Variants in LMF1 observed in about 807,000 individuals in gnomAD.
The protein encoded by LMF1 is transmembrane protein 112.
A neutral mutation model predicts 60.6 loss-of-function variants in LMF1; 68 were observed. The observed-to-expected ratio is 1.12, with a 90% confidence interval of 0.92 to 1.37. LMF1 has a LOEUF of 1.37. LMF1 is among the 40% of genes most tolerant of loss of function. LMF1 has a pLI of 0.00. For missense variants in LMF1, 948 were observed against 767.2 expected, an observed-to-expected ratio of 1.24 and a Z score of -2.78; for synonymous variants, 418 against 324.7, an observed-to-expected ratio of 1.29 and a Z score of -3.09.
Position 953,325 on chromosome 16 carries a change from C to A in LMF1, c.503+1032G>T, listed in dbSNP as rs1360999006. Among the ~76,000 whole-genome samples the A allele has an allele frequency of 8.1e-5, 4 of 49,346 alleles. 1 individual carries two copies. The highest frequency in any genetic ancestry group is 6.9e-4 in the Admixed American group (4 of 5,766). 32.4% of individuals were successfully genotyped at this position (49,346 alleles called of 152,430 possible). ...GCCTCCTACACGTCCACACAGACAC[C>A]CACCCCAAACCAGCTTCCTACACGT... is the stretch of plus-strand genomic sequence containing the variant. On this transcript the variant is annotated intron_variant, in intron 2 of 10. Coordinates refer to ENST00000262301, the MANE Select transcript of LMF1 (RefSeq NM_022773.4).
At chr16:856,274 C>T (rs901952582) in intron 10 of LMF1, among the ~76,000 whole-genome samples, 2 of 152,126 alleles carry the variant, frequency 1.3e-5, no homozygotes, top group Non-Finnish European at 2.9e-5. Context: ...CAGCGGCCAG[C>T]ATGGGGACTG....
intron 1 of LMF1, among the ~76,000 whole-genome samples, chr16:964,958 C>T (rs28593410): frequency 0.19 from 29,064 of 152,236 alleles, 2,989 homozygotes; most frequent in African/African-American, 0.25. Flanking sequence ...CGCCACAGTG[C>T]GGCACGCATG....
At chr16:896,803 C>T (rs965569355) in intron 4 of LMF1, among the ~76,000 whole-genome samples, 2 of 152,320 alleles carry the variant, frequency 1.3e-5, no homozygotes, top group African/African-American at 4.8e-5. Flanking sequence ...AAATGTCATT[C>T]AAATTCTAAG....
intron 3 of LMF1, among the ~76,000 whole-genome samples, chr16:918,358 T>G (rs900668325): frequency 3.3e-5 from 5 of 152,238 alleles, no homozygotes; most frequent in Non-Finnish European, 5.9e-5. Flanking sequence ...TCACCAGCTC[T>G]TGGGAAACAA....
chr16:938,441 G>A (rs1043958827), intron 2 of LMF1, among the ~76,000 whole-genome samples: 24 of 152,178 alleles, frequency 1.6e-4, no homozygotes, highest in Non-Finnish European at 2.6e-4. Flanking sequence ...AGCTCGTGGG[G>A]ATGGCAGGGG....
chr16:921,266 G>A (rs1215027410), intron 3 of LMF1: 1 of 152,270 alleles, frequency 6.6e-6, no homozygotes, highest in Non-Finnish European at 1.5e-5. Context: ...TGCTTCCACT[G>A]GGGCATTCTG....
At chr16:963,923 A>C (rs1284630350) in intron 1 of LMF1, 1 of 402,450 alleles carries the variant, frequency 2.5e-6, no homozygotes, top group Non-Finnish European at 5.1e-6. Flanking sequence ...ATCTTGAAAC[A>C]TCACAGGCTC....
intron 1 of LMF1, among the ~76,000 whole-genome samples, chr16:959,489 G>A (rs1201084175): frequency 1.3e-5 from 2 of 152,156 alleles, no homozygotes; most frequent in Non-Finnish European, 2.9e-5. Flanking sequence ...CCACAGCACT[G>A]AGCATTACAC....
intron 3 of LMF1, among the ~76,000 whole-genome samples, chr16:917,036 C>T (rs542112205): frequency 1.2e-4 from 19 of 152,256 alleles, no homozygotes; most frequent in East Asian, 3.9e-4. Flanking sequence ...GGGATGGAGA[C>T]GCCACCCAGG....
chr16:879,972 A>G (rs540439947), intron 5 of LMF1, among the ~76,000 whole-genome samples: 1 of 152,312 alleles, frequency 6.6e-6, no homozygotes, highest in Non-Finnish European at 1.5e-5. Flanking sequence ...AATCTTTACC[A>G]TCTAAAAGCA....
chr16:870,269 C>G (rs377079737), intron 8 of LMF1, among the ~76,000 whole-genome samples: 1 of 152,160 alleles, frequency 6.6e-6, no homozygotes, highest in Non-Finnish European at 1.5e-5. Flanking sequence ...GGGTCTCATT[C>G]GAGAACACCT....
chr16:855,653 C>T (rs747589519), intron 10 of LMF1: 4 of 453,922 alleles, frequency 8.8e-6, no homozygotes, highest in Non-Finnish European at 1.8e-5. Flanking sequence ...GCGGCTGCTG[C>T]CTGGCTGGGA....
At position 878,518 on chromosome 16, in the gene LMF1, G is replaced by A. The variant is rs988674939; in HGVS notation, c.897+1052C>T. Among the ~76,000 whole-genome samples the A allele has an allele frequency of 2.0e-5, 3 of 152,222 alleles. No individual in the cohort carries two copies. The highest frequency in any genetic ancestry group is 6.5e-5 in the Admixed American group (1 of 15,282). ...CTTGAAAATACATCCACAGGATGAC[G>A]AGATTGCACCTCTGCACGGCAGGCT... is the stretch of plus-strand genomic sequence containing the variant. On this transcript the variant is annotated intron_variant, in intron 6 of 10. Transcript: ENST00000262301. This position sits in a 1 kb window ranked among gnomAD's most constrained non-coding sequence, Gnocchi z 5.2.
At chr16:976,791 G>A (rs1358131273) in intron 1 of LMF1, 3 of 454,146 alleles carry the variant, frequency 6.6e-6, no homozygotes, top group Non-Finnish European at 1.3e-5. Flanking sequence ...TCACTGGGGA[G>A]AGAGCAGTGC....
chr16:915,293 G>A (rs1406046587), intron 3 of LMF1, among the ~76,000 whole-genome samples: 1 of 152,222 alleles, frequency 6.6e-6, no homozygotes, highest in Non-Finnish European at 1.5e-5. Flanking sequence ...ACAGGATGGG[G>A]GCAGAGGGCA....
intron 1 of LMF1, chr16:976,926 C>T (rs1310108931): frequency 4.4e-6 from 2 of 454,136 alleles, no homozygotes; most frequent in Non-Finnish European, 8.8e-6. Context: ...AGGAGGCTCC[C>T]AGTGTGTCAG....
chr16:907,916 A>G (rs145024267), intron 4 of LMF1, among the ~76,000 whole-genome samples: 86 of 152,352 alleles, frequency 5.6e-4, no homozygotes, highest in African/African-American at 2.0e-3. Context: ...GGTGCTTCCC[A>G]TGAGCAGATG....
Position 896,701 on chromosome 16 carries a change from C to G in LMF1, c.664-3629G>C, listed in dbSNP as rs114665683. Among the ~76,000 whole-genome samples, 213 of 152,274 alleles carry G rather than the reference C, an allele frequency of 1.4e-3. 1 individual carries two copies. The highest frequency in any genetic ancestry group is 3.7e-3 in the African/African-American group (155 of 41,546). Reference sequence around the variant, plus strand: ...GCACAACCACCGCCACTGCTCCCCCCGCATGAGCACCAGCTCTGCTCCCTG... The same window carrying G: ...GCACAACCACCGCCACTGCTCCCCCGGCATGAGCACCAGCTCTGCTCCCTG... On this transcript the variant is annotated intron_variant, in intron 4 of 10. Transcript: ENST00000262301.
intron 2 of LMF1, among the ~76,000 whole-genome samples, chr16:949,780 T>TGACAGAGTCAGAGCCAAC (rs1567299932): frequency 3.7e-5 from 3 of 80,318 alleles, no homozygotes; most frequent in Non-Finnish European, 6.6e-5. Flanking sequence ...AGTCAGCCAA[T>TGACAGAGTCAGAGCCAAC]GACAGAGTCA....
Sources: gnomAD v4.1 joint callset for allele counts (sites outside exome capture counted in the v4.1 genomes callset) on GRCh38, gnomAD v4.1.1 for gene constraint, Gnocchi (gnomAD v3.1) non-coding constraint, MANE v1.5 for transcripts, NCBI Gene and HGNC (gene_info 2026-07-23, HGNC 2026-07-21) for gene names.